The following AUH variants were observed in gnomAD, a reference collection of about 807,000 sequenced individuals.
The protein encoded by AUH is methylglutaconyl-CoA hydratase, mitochondrial.
A neutral mutation model predicts 42.3 loss-of-function variants in AUH; 29 were observed. The observed-to-expected ratio is 0.69, with a 90% CI of 0.51 to 0.93. AUH has a LOEUF of 0.93. AUH is among the 40% of genes least tolerant of loss of function. The pLI is 0.00. For synonymous variants in AUH, 174 were observed against 166.4 expected, an observed-to-expected ratio of 1.05 and a Z score of -0.35; for missense variants, 452 against 438.1, an observed-to-expected ratio of 1.03 and a Z score of -0.28.
At position 91,317,699 on chromosome 9, in the gene AUH, C is replaced by CA. The variant is rs550226917; in HGVS notation, c.505+7618dup. Among the ~76,000 whole-genome samples, 78 of 152,280 alleles carry CA rather than the reference C, an allele frequency of 5.1e-4. 1 individual carries two copies. The highest frequency in any genetic ancestry group is 1.8e-3 in the African/African-American group (76 of 41,562). On this transcript the variant is annotated intron_variant, in intron 4 of 9. Transcript: ENST00000375731. The stretch of plus-strand genomic sequence containing the variant: ...GAATAATATAGAACAGAGGTGGTGA[C>CA]AGTGGGTCCTCTTGCCTTGTTCCTG...
chr9:91,232,110 G>A (rs1030578100), intron 6 of AUH, among the ~76,000 whole-genome samples: 1 of 152,168 alleles, frequency 6.6e-6, no homozygotes, highest in African/African-American at 2.4e-5. Flanking sequence ...GGCCAGGCAT[G>A]GTGGTGGCTC....
At chr9:91,261,064 G>A (rs953818080) in intron 6 of AUH, among the ~76,000 whole-genome samples, 1 of 152,060 alleles carries the variant, frequency 6.6e-6, no homozygotes, top group African/African-American at 2.4e-5. Flanking sequence ...TATAAACGTA[G>A]TCGTGGCTTT....
intron 4 of AUH, among the ~76,000 whole-genome samples, chr9:91,310,403 C>T (rs953216301): frequency 1.3e-5 from 2 of 152,158 alleles, no homozygotes; most frequent in South Asian, 4.1e-4. Context: ...AGATATAAGC[C>T]AATTTGCCCT....
At chr9:91,246,097 T>C (rs1332358405) in intron 6 of AUH, among the ~76,000 whole-genome samples, 2 of 152,196 alleles carry the variant, frequency 1.3e-5, no homozygotes, top group African/African-American at 2.4e-5. Context: ...AGCTGAATCA[T>C]GGCCTCCCGC....
At chr9:91,228,154 T>C (rs1827633670) in intron 6 of AUH, among the ~76,000 whole-genome samples, 1 of 151,640 alleles carries the variant, frequency 6.6e-6, no homozygotes, top group African/African-American at 2.4e-5. Flanking sequence ...GTACCTCTGG[T>C]AGAATTCGGC....
intron 4 of AUH, among the ~76,000 whole-genome samples, chr9:91,317,040 C>A (rs901789742): frequency 1.3e-5 from 2 of 152,228 alleles, no homozygotes; most frequent in African/African-American, 4.8e-5. Flanking sequence ...TGTCACATAT[C>A]AACTTCCCCA....
At chr9:91,291,160 C>T (rs537348344) in intron 6 of AUH, among the ~76,000 whole-genome samples, 1 of 152,326 alleles carries the variant, frequency 6.6e-6, no homozygotes, top group South Asian at 2.1e-4. Context: ...ATCACCTTCT[C>T]TTCTTCTGTG....
chr9:91,347,886 T>C (rs1364575200), intron 3 of AUH, among the ~76,000 whole-genome samples: 2 of 151,958 alleles, frequency 1.3e-5, no homozygotes, highest in African/African-American at 4.8e-5. Context: ...CTGCACATTG[T>C]GCACACGTAC....
At chr9:91,225,624 A>G (rs1827404808) in intron 6 of AUH, among the ~76,000 whole-genome samples, 1 of 151,754 alleles carries the variant, frequency 6.6e-6, no homozygotes, top group South Asian at 2.1e-4. Flanking sequence ...GTATGTATAC[A>G]TGTGCCATGC....
At chr9:91,356,660 G>A (rs1174016563) in intron 1 of AUH, among the ~76,000 whole-genome samples, 3 of 152,086 alleles carry the variant, frequency 2.0e-5, no homozygotes, top group Non-Finnish European at 4.4e-5. Context: ...ACAAAACAAA[G>A]TTCATTATCT....
chr9:91,221,879 C>T (rs1485969529), intron 6 of AUH, among the ~76,000 whole-genome samples: 1 of 152,064 alleles, frequency 6.6e-6, no homozygotes, highest in South Asian at 2.1e-4. Flanking sequence ...TCATTAAATA[C>T]AAAGTTGGGC....
chr9:91,355,791 T>G, intron 3 of AUH, 92 bp downstream of exon 3: 1 of 1,202,870 alleles, frequency 8.3e-7, no homozygotes, highest in Non-Finnish European at 1.2e-6. Flanking sequence ...GGTAATGGGG[T>G]TCAAACCAAA....
chr9:91,278,883 G>A (rs1328225315), intron 6 of AUH, among the ~76,000 whole-genome samples: 1 of 152,066 alleles, frequency 6.6e-6, no homozygotes, highest in Non-Finnish European at 1.5e-5. Context: ...ATTATGCTCA[G>A]GAAAAGAACC....
intron 6 of AUH, among the ~76,000 whole-genome samples, chr9:91,287,558 C>T (rs533620242): frequency 1.4e-4 from 21 of 152,110 alleles, no homozygotes; most frequent in African/African-American, 4.1e-4. Context: ...CTGGGTAAAG[C>T]GTACATAAGA....
intron 4 of AUH, among the ~76,000 whole-genome samples, chr9:91,309,149 T>C (rs1052976712): frequency 1.3e-4 from 20 of 151,274 alleles, no homozygotes; most frequent in Non-Finnish European, 8.8e-5. Context: ...TGGTGGCTCA[T>C]GCCTGTAATC....
At position 91,361,878 on chromosome 9, in the gene AUH, C is replaced by G. The variant is rs1362379677; in HGVS notation, c.12G>C (p.Ala4=). 1.3e-4 allele frequency: 186 copies of G among 1,465,398 alleles called. No individual in the cohort carries two copies. The highest frequency in any genetic ancestry group is 1.7e-4 in the Non-Finnish European group (184 of 1,114,930). The allele number at this position is 1,465,398 out of a possible 1,614,324, so 90.8% of individuals were successfully genotyped here. A position where few individuals can be genotyped will look rare whatever the true frequency, so the allele number is the denominator to read the frequency against. Residue 4 remains alanine (A), a synonymous_variant, in exon 1 of 10, where the codon GCG becomes GCC. Transcript: ENST00000375731. ...CCAAGGCCCCAGGTGCCGCCGCCAC[C>G]GCGGCCGCCATGTTGTCTGTTTACG... MAA[A]VAAAPGALGS... is the part of the protein sequence containing the mutation.
chr9:91,219,585 A>G lies in AUH; in HGVS notation c.843+1220T>C, dbSNP rs541634461. Among the ~76,000 whole-genome samples the G allele has an allele frequency of 1.0e-3, 158 of 152,334 alleles. 2 individuals carry two copies. The highest frequency in any genetic ancestry group is 8.8e-5 in the Non-Finnish European group (6 of 68,036). On this transcript the variant is annotated intron_variant, in intron 7 of 9. Transcript: ENST00000375731. ...TCAATCCAACAAATACTTATTGAGCATCTACTGAATGTATGGCTCTGCACT... is the reference window on the plus strand; with the variant it reads ...TCAATCCAACAAATACTTATTGAGCGTCTACTGAATGTATGGCTCTGCACT...
chr9:91,219,272 A>G (rs558226042), intron 7 of AUH, among the ~76,000 whole-genome samples: 154 of 152,350 alleles, frequency 1.0e-3, no homozygotes, highest in Non-Finnish European at 1.8e-3. Flanking sequence ...CTGAACATCC[A>G]TGTCAGGAGG....
intron 5 of AUH, among the ~76,000 whole-genome samples, chr9:91,297,656 G>A (rs553973242): frequency 4.0e-5 from 6 of 150,704 alleles, no homozygotes; most frequent in African/African-American, 1.2e-4. Context: ...GTAATGGCAC[G>A]ATCATGGCTC....
Sources: gnomAD v4.1 joint callset for allele counts (sites outside exome capture counted in the v4.1 genomes callset) on GRCh38, gnomAD v4.1.1 for gene constraint, MANE v1.5 for transcripts, NCBI Gene and HGNC (gene_info 2026-07-23, HGNC 2026-07-21) for gene names.